Variants in ZNF536 observed in about 807,000 individuals in gnomAD.
ZNF536 encodes the protein zinc finger protein 536.
A neutral mutation model predicts 84.5 loss-of-function variants in ZNF536; 13 were observed. The ratio of observed to expected loss-of-function variants is 0.15; its 90% CI spans 0.10 to 0.24. The LOEUF (loss-of-function observed/expected upper bound fraction) is 0.24. Among genes scored for constraint, ZNF536 ranks in the 10% least tolerant of loss-of-function variants. ZNF536 has a pLI of 1.00. For missense variants in ZNF536, 1,536 were observed against 1,747.5 expected (o/e 0.88, Z 2.16); for synonymous variants, 811 against 742.5 (o/e 1.09, Z -1.50).
chr19:30,625,973 T>C (rs1199404624), intron 1 of ZNF536, among the ~76,000 whole-genome samples: 1 of 152,248 alleles, frequency 6.6e-6, no homozygotes. Flanking sequence ...AAATGATTTT[T>C]TTCCACACAT....
chr19:30,683,222 G>A (rs1314537790), intron 1 of ZNF536, among the ~76,000 whole-genome samples: 1 of 152,172 alleles, frequency 6.6e-6, no homozygotes, highest in East Asian at 1.9e-4. Flanking sequence ...CCTGGCCTTG[G>A]CTGGAGAAGA....
chr19:30,500,744 T>C (rs2075419), intron 2 of ZNF536, among the ~76,000 whole-genome samples: 26,044 of 152,184 alleles, frequency 0.17, 2,527 homozygotes, highest in Non-Finnish European at 0.21. Context: ...AGCAGGATGA[T>C]GTGGGATGGA....
At chr19:30,611,162 A>G (rs938956936) in intron 1 of ZNF536, among the ~76,000 whole-genome samples, 6 of 152,208 alleles carry the variant, frequency 3.9e-5, no homozygotes, top group Non-Finnish European at 8.8e-5. Flanking sequence ...CTGGGGGTAG[A>G]ATAAGTGACC....
intron 1 of ZNF536, among the ~76,000 whole-genome samples, chr19:30,656,838 C>G (rs185795392): frequency 6.6e-6 from 1 of 152,282 alleles, no homozygotes; most frequent in Non-Finnish European, 1.5e-5. Flanking sequence ...TGCACGGGGT[C>G]AGTCTGAACC....
At chr19:30,227,587 G>C (rs1431514626), upstream of ZNF536, among the ~76,000 whole-genome samples, 1 of 152,098 alleles carries the variant, frequency 6.6e-6, no homozygotes, top group East Asian at 1.9e-4. Flanking sequence ...CCCGGCCTGC[G>C]GGGCTCGGGC....
intron 1 of ZNF536, among the ~76,000 whole-genome samples, chr19:30,274,025 C>T (rs2025994665): frequency 1.3e-5 from 2 of 152,050 alleles, no homozygotes; most frequent in South Asian, 4.2e-4. Context: ...AAATTTTCTA[C>T]AAATGAGCAT....
At chr19:30,318,561 C>T (rs2046754560) in intron 2 of ZNF536, among the ~76,000 whole-genome samples, 1 of 152,248 alleles carries the variant, frequency 6.6e-6, no homozygotes, top group African/African-American at 2.4e-5. Context: ...TGCTGAGCTT[C>T]AGTCTTTGTA....
chr19:30,699,166 T>C (rs1251464811), intron 1 of ZNF536, among the ~76,000 whole-genome samples: 1 of 152,158 alleles, frequency 6.6e-6, no homozygotes. Context: ...ATTATTTTGG[T>C]GTATTTCCTA....
intron 2 of ZNF536, among the ~76,000 whole-genome samples, chr19:30,327,611 T>C (rs1224328902): frequency 6.6e-6 from 1 of 152,216 alleles, no homozygotes; most frequent in Non-Finnish European, 1.5e-5. Flanking sequence ...TGTTTGGAAG[T>C]TCTGGAAACC....
At position 30,445,969 on chromosome 19, in the gene ZNF536, C is replaced by T. The variant is rs1438126732; in HGVS notation, c.2170+237C>T. 6.6e-6 allele frequency among the ~76,000 whole-genome samples: 1 copy of T among 151,996 alleles called. No individual in the cohort carries two copies. The highest frequency in any genetic ancestry group is 1.9e-4 in the East Asian group (1 of 5,172). On this transcript the variant is annotated intron_variant, in intron 2 of 4. Coordinates refer to ENST00000355537, the MANE Select transcript of ZNF536 (RefSeq NM_014717.3). The surrounding 1 kb of genome is among the most constrained non-coding windows in gnomAD (Gnocchi z 4.5). ...GGCTACCAAGAAAGTAAGTTGAGGCCGGGTGTGGTGGCTCACGCCTGTAAT... is the reference window on the plus strand; with the variant it reads ...GGCTACCAAGAAAGTAAGTTGAGGCTGGGTGTGGTGGCTCACGCCTGTAAT...
chr19:30,388,564 G>A (rs374205456), intron 1 of ZNF536, among the ~76,000 whole-genome samples: 1 of 152,074 alleles, frequency 6.6e-6, no homozygotes, highest in Non-Finnish European at 1.5e-5. Flanking sequence ...CGATCGCCTC[G>A]TCCCTCCTGT....
chr19:30,703,377 A>C (rs1441026200), intron 1 of ZNF536, among the ~76,000 whole-genome samples: 1 of 152,154 alleles, frequency 6.6e-6, no homozygotes. Flanking sequence ...ACTGCCTCCC[A>C]GTGCTGTTTG....
intron 1 of ZNF536, among the ~76,000 whole-genome samples, chr19:30,270,957 G>A (rs1431977119): frequency 6.6e-6 from 1 of 151,446 alleles, no homozygotes; most frequent in Non-Finnish European, 1.5e-5. Context: ...TTTATAATGT[G>A]CCATTTCTGA....
At chr19:30,645,623 TA>T (rs974840905) in intron 1 of ZNF536, among the ~76,000 whole-genome samples, 2 of 152,352 alleles carry the variant, frequency 1.3e-5, no homozygotes, top group African/African-American at 4.8e-5. Context: ...ATGTAAAAGG[TA>T]AATGAAGTTC....
chr19:30,537,684 T>C (rs777128624), intron 3 of ZNF536, among the ~76,000 whole-genome samples: 3 of 152,238 alleles, frequency 2.0e-5, no homozygotes, highest in Non-Finnish European at 2.9e-5. Flanking sequence ...AAATGGTTAT[T>C]GCTCTTCGCA....
chr19:30,227,825 G>T (rs550517842), upstream of ZNF536, among the ~76,000 whole-genome samples: 9 of 152,068 alleles, frequency 5.9e-5, no homozygotes, highest in South Asian at 1.9e-3. Flanking sequence ...CGGCCGGGCA[G>T]CCCGAGCGGG....
At chr19:30,376,740 G>A (rs570147601) in intron 1 of ZNF536, among the ~76,000 whole-genome samples, 18 of 152,240 alleles carry the variant, frequency 1.2e-4, no homozygotes, top group African/African-American at 4.1e-4. Flanking sequence ...CATCCTCCCT[G>A]ACACTACCCA....
intron 1 of ZNF536, among the ~76,000 whole-genome samples, chr19:30,586,906 A>C (rs963875078): frequency 6.6e-6 from 1 of 152,240 alleles, no homozygotes; most frequent in East Asian, 1.9e-4. Context: ...AATCATGAGG[A>C]AGAGATTCAA....
chr19:30,682,119 G>A (rs2050998094), intron 1 of ZNF536, among the ~76,000 whole-genome samples: 1 of 152,074 alleles, frequency 6.6e-6, no homozygotes, highest in Non-Finnish European at 1.5e-5. Context: ...GGACCACCAG[G>A]GGCCAAAAAG....
Sources: gnomAD v4.1 joint callset for allele counts (sites outside exome capture counted in the v4.1 genomes callset) on GRCh38, gnomAD v4.1.1 for gene constraint, Gnocchi (gnomAD v3.1) non-coding constraint, MANE v1.5 for transcripts, NCBI Gene and HGNC (gene_info 2026-07-23, HGNC 2026-07-21) for gene names.